VRK3: variants seen among roughly 807,000 people sequenced by gnomAD.
VRK3 encodes the protein VRK serine/threonine kinase 3.
Under a neutral mutation model 60.4 loss-of-function variants are expected in VRK3, and 50 were observed. The ratio of observed to expected loss-of-function variants is 0.83; its 90% confidence interval spans 0.66 to 1.05. The LOEUF (loss-of-function observed/expected upper bound fraction) is 1.05, where lower values mean the gene tolerates loss of function less well. VRK3 is among the 50% of genes least tolerant of loss of function. The probability of loss-of-function intolerance (pLI) is 0.00; values close to 1 mark genes in which losing one functional copy is unlikely to be tolerated. For missense variants in VRK3, 549 were observed against 585.3 expected, an observed-to-expected ratio of 0.94 and a Z score of 0.64; for synonymous variants, 246 against 227.8, an observed-to-expected ratio of 1.08 and a Z score of -0.72.
chr19:50,004,640 G>C (rs1279583741), intron 5 of VRK3, among the ~76,000 whole-genome samples: 1 of 152,166 alleles, frequency 6.6e-6, no homozygotes, highest in Non-Finnish European at 1.5e-5. Flanking sequence ...TCTGGCATGG[G>C]ATCCTGCCTG....
Position 49,992,852 on chromosome 19 carries a change from G to A in VRK3, c.963+8C>T, listed in dbSNP as rs781233822. On this transcript the variant is annotated splice_region_variant and intron_variant, in intron 10 of 14. Transcript: ENST00000316763. ...GATCTTCCAGAGTGGGCAGGAGCTG[G>A]CTCTTACCTGACTCTGGTCCTCTGG... 28 of 1,613,686 alleles carry A rather than the reference G, an allele frequency of 1.7e-5. No individual in the cohort carries two copies. The highest frequency in any genetic ancestry group is 2.3e-5 in the Non-Finnish European group (27 of 1,179,814).
intron 4 of VRK3, among the ~76,000 whole-genome samples, chr19:50,008,316 T>C (rs988311081): frequency 1.3e-5 from 2 of 152,048 alleles, no homozygotes; most frequent in African/African-American, 4.8e-5. Context: ...AGCCCTGCCC[T>C]AGAAGGGCTC....
At chr19:49,993,342 T>C (rs559814320) in intron 9 of VRK3, among the ~76,000 whole-genome samples, 7 of 152,228 alleles carry the variant, frequency 4.6e-5, no homozygotes, top group Non-Finnish European at 1.0e-4. Context: ...AAGCAATTTA[T>C]ATCTTGATCT....
intron 2 of VRK3, among the ~76,000 whole-genome samples, chr19:50,016,909 G>A (rs534731479): frequency 3.3e-5 from 5 of 150,410 alleles, no homozygotes; most frequent in African/African-American, 4.9e-5. Context: ...AGAGCAATAC[G>A]CCGGGTGCGG....
At chr19:49,983,682 T>C (rs3786669) in intron 12 of VRK3, among the ~76,000 whole-genome samples, 79,261 of 152,198 alleles carry the variant, frequency 0.52, 22,424 homozygotes, top group East Asian at 0.79. Context: ...TTTACTCATT[T>C]TGTCTGTCGT....
At chr19:49,977,876 C>G (rs1051454898) in intron 14 of VRK3, among the ~76,000 whole-genome samples, 10 of 152,280 alleles carry the variant, frequency 6.6e-5, no homozygotes, top group African/African-American at 2.4e-4. Flanking sequence ...AGAGTCCCCA[C>G]CCCTCACCAC....
chr19:49,992,901 T>C lies in VRK3; in HGVS notation c.922A>G (p.Thr308Ala), dbSNP rs2076635175. 1.2e-6 allele frequency: 2 copies of C among 1,613,960 alleles called. No homozygotes were observed. Among genetic ancestry groups the C allele is most frequent in the Non-Finnish European group, 8.5e-7 (1 of 1,180,034 alleles). Reference protein sequence around the residue: ...HENEYVHGNVTAENIFVDPED... With the variant: ...HENEYVHGNVAAENIFVDPED... ...GGATCCACAAAGATATTTTCAGCTG[T>C]CACATTTCCATGAACATACTCATTC... Residue 308 changes from threonine to alanine, a missense_variant, in exon 10 of 15, where the codon ACA becomes GCA. By Grantham distance (58) the Thr-to-Ala change is moderately conservative (BLOSUM62 0). Coordinates refer to ENST00000316763, the MANE Select transcript of VRK3 (RefSeq NM_016440.4).
rs1005532023 is a variant in VRK3, at chr19:50,007,686, G to A, written c.430C>T (p.Arg144Ter). The stretch of plus-strand genomic sequence containing the variant: ...AAAGCTTCAAGTGAGGTGGTCACTC[G>A]GCTCCGCTTCAGCGTCTGAGGGCTC... ...RQSPQTLKRS[R>*]VTTSLEALPT... The change falls in exon 5 of 15, where the codon CGA becomes TGA. Residue 144 changes from arginine (R) to a stop codon, truncating the protein, a stop_gained. Transcript: ENST00000316763. LOFTEE classifies it high-confidence loss of function. The A allele has an allele frequency of 2.5e-6, 4 of 1,614,178 alleles. No homozygotes were observed. The highest frequency in any genetic ancestry group is 2.2e-5 in the East Asian group (1 of 44,878).
chr19:49,993,848 G>A (rs2076654610), intron 9 of VRK3, among the ~76,000 whole-genome samples: 1 of 151,992 alleles, frequency 6.6e-6, no homozygotes, highest in Non-Finnish European at 1.5e-5. Flanking sequence ...ACCCTCCTCA[G>A]CCTTGTCCTC....
At position 49,989,620 on chromosome 19, in the gene VRK3, C is replaced by T; in HGVS notation, c.1096+19G>A. ...AGAAGCATCTCTCTGCGGTCCCAAA[C>T]CCATCCCTGGCCTCGTACCGCATCC... On this transcript the variant is annotated intron_variant, in intron 11 of 14. Coordinates refer to ENST00000316763, the MANE Select transcript of VRK3 (RefSeq NM_016440.4). 1 of 1,595,552 alleles carries T rather than the reference C, an allele frequency of 6.3e-7. No homozygotes were observed. The highest frequency in any genetic ancestry group is 8.6e-7 in the Non-Finnish European group (1 of 1,168,256).
chr19:49,977,564 AG>A (rs1420466088), intron 14 of VRK3, among the ~76,000 whole-genome samples: 1 of 152,130 alleles, frequency 6.6e-6, no homozygotes, highest in Admixed American at 6.5e-5. Flanking sequence ...GTGCCATGCC[AG>A]AAAAGCAGAG....
At chr19:50,009,491 G>T in intron 3 of VRK3, 106 bp from the exon 4 acceptor site, 1 of 1,320,698 alleles carries the variant, frequency 7.6e-7, no homozygotes. Flanking sequence ...GTTCTCTTTG[G>T]CCCTCAACAC....
rs761457387 is a variant in VRK3 at position 49,988,501 on chromosome 19, G to A, written c.1097-9C>T. On this transcript the variant is annotated splice_polypyrimidine_tract_variant and intron_variant, in intron 11 of 14. Transcript: ENST00000316763. Reference sequence around the variant, plus strand: ...GCTGCGGCGGGAGGGCCCTGGGGAAGGAGGAGTAAAGGTGGCAGCTCAAGT... The same window carrying A: ...GCTGCGGCGGGAGGGCCCTGGGGAAAGAGGAGTAAAGGTGGCAGCTCAAGT... 8 of 1,611,292 alleles carry A rather than the reference G, an allele frequency of 5.0e-6. No homozygotes were observed. Among genetic ancestry groups the A allele is most frequent in the South Asian group, 3.3e-5 (3 of 90,952 alleles).
intron 13 of VRK3, 150 bp from the exon 14 acceptor site, chr19:49,979,392 GC>G: frequency 8.9e-7 from 1 of 1,118,786 alleles, no homozygotes; most frequent in Non-Finnish European, 1.3e-6. Flanking sequence ...GCCTGGCATT[GC>G]CAGAGGACTT....
chr19:50,021,794 T>C (rs887903505), intron 1 of VRK3, among the ~76,000 whole-genome samples: 5 of 152,242 alleles, frequency 3.3e-5, no homozygotes, highest in Non-Finnish European at 7.3e-5. Flanking sequence ...GTCACTCACT[T>C]AAGACGGTTC....
intron 6 of VRK3, chr19:49,997,916 T>G (rs1363630804): frequency 5.5e-6 from 1 of 183,162 alleles, no homozygotes; most frequent in Non-Finnish European, 1.1e-5. Context: ...GTGGGCAACT[T>G]CCAGGTTATG....
At chr19:50,010,847 A>G (rs2076983306) in intron 3 of VRK3, among the ~76,000 whole-genome samples, 2 of 152,210 alleles carry the variant, frequency 1.3e-5, no homozygotes, top group African/African-American at 4.8e-5. Flanking sequence ...CGGGAGGTGG[A>G]GGTTGCAGTG....
At chr19:49,979,678 C>A (rs906102630) in intron 13 of VRK3, among the ~76,000 whole-genome samples, 2 of 152,166 alleles carry the variant, frequency 1.3e-5, no homozygotes, top group Non-Finnish European at 2.9e-5. Flanking sequence ...TCCTCGAGGC[C>A]CAAGGTTCAC....
chr19:49,981,627 T>C, intron 12 of VRK3: 1 of 777,156 alleles, frequency 1.3e-6, no homozygotes, highest in Non-Finnish European at 1.6e-6. Flanking sequence ...GTATTGTTGA[T>C]TCATTAGCAT....
Sources: gnomAD v4.1 joint callset for allele counts (sites outside exome capture counted in the v4.1 genomes callset) on GRCh38, gnomAD v4.1.1 for gene constraint, MANE v1.5 for transcripts, NCBI Gene and HGNC (gene_info 2026-07-23, HGNC 2026-07-21) for gene names.